The following DSCAM variants were observed in gnomAD, a reference collection of about 807,000 sequenced individuals.
The protein encoded by DSCAM is DS cell adhesion molecule, also known as cell adhesion molecule DSCAM.
Under a neutral mutation model 217.7 loss-of-function variants are expected in DSCAM, and 47 were observed. That is an observed-to-expected ratio of 0.22 (90% CI 0.17 to 0.28). The LOEUF is 0.28. DSCAM is among the 10% of genes least tolerant of loss of function. The pLI, the probability that DSCAM is intolerant of heterozygous loss-of-function variation, is 1.00. For missense variants in DSCAM, 2,080 were observed against 2,618.3 expected, an observed-to-expected ratio of 0.79 and a Z score of 4.49; for synonymous variants, 1,056 against 1,015.3, an observed-to-expected ratio of 1.04 and a Z score of -0.76.
intron 8 of DSCAM, among the ~76,000 whole-genome samples, chr21:40,322,054 T>G (rs1007240258): frequency 4.6e-5 from 7 of 152,214 alleles, no homozygotes; most frequent in Non-Finnish European, 8.8e-5. Flanking sequence ...ATTAGATAAA[T>G]GTCCACTTCC....
At chr21:40,223,585 T>G (rs181891747) in intron 11 of DSCAM, among the ~76,000 whole-genome samples, 25 of 152,310 alleles carry the variant, frequency 1.6e-4, no homozygotes, top group African/African-American at 6.0e-4. Context: ...CACATTATAA[T>G]TAGAAACACA....
intron 3 of DSCAM, among the ~76,000 whole-genome samples, chr21:40,425,099 A>T (rs1206702412): frequency 1.3e-5 from 2 of 152,180 alleles, no homozygotes; most frequent in Non-Finnish European, 2.9e-5. Flanking sequence ...ATCTCAAAAA[A>T]CAAACAAAAA....
intron 27 of DSCAM, among the ~76,000 whole-genome samples, chr21:40,067,742 T>TTCCC (rs763376801): frequency 1.8e-3 from 70 of 39,796 alleles, no homozygotes; most frequent in African/African-American, 2.4e-3. Flanking sequence ...CCTCCCCTCA[T>TTCCC]TCCCTCCCTC....
chr21:40,097,782 A>C (rs1267324952), intron 20 of DSCAM, among the ~76,000 whole-genome samples: 1 of 151,698 alleles, frequency 6.6e-6, no homozygotes, highest in Non-Finnish European at 1.5e-5. Flanking sequence ...TCTACTAAAA[A>C]CACAAAAAAT....
chr21:40,401,382 T>C (rs1373425299), intron 3 of DSCAM, among the ~76,000 whole-genome samples: 2 of 119,198 alleles, frequency 1.7e-5, no homozygotes, highest in Admixed American at 1.8e-4. Flanking sequence ...TAAAGGATAT[T>C]CTCAATAAAA....
intron 32 of DSCAM, among the ~76,000 whole-genome samples, chr21:40,033,624 G>C (rs146329835): frequency 0.011 from 1,719 of 151,890 alleles, 18 homozygotes; most frequent in Non-Finnish European, 0.018. Flanking sequence ...GCCCAGGCTT[G>C]CTTAGATAAA....
At chr21:40,404,999 T>C (rs1398932167) in intron 3 of DSCAM, among the ~76,000 whole-genome samples, 1 of 152,182 alleles carries the variant, frequency 6.6e-6, no homozygotes, top group African/African-American at 2.4e-5. Context: ...CAGTACAAAA[T>C]ATGTATTATT....
chr21:40,707,042 A>C (rs1333200979), intron 2 of DSCAM, among the ~76,000 whole-genome samples: 2 of 152,230 alleles, frequency 1.3e-5, no homozygotes, highest in Non-Finnish European at 2.9e-5. Context: ...GTGTCATGCA[A>C]AAACAATGAA....
intron 10 of DSCAM, among the ~76,000 whole-genome samples, chr21:40,291,479 G>C (rs111883607): frequency 0.012 from 1,757 of 152,194 alleles, 20 homozygotes; most frequent in Non-Finnish European, 0.019. Flanking sequence ...ATGACTGATG[G>C]GGACCCAGTG....
chr21:40,466,419 G>T (rs2075845857), intron 3 of DSCAM, among the ~76,000 whole-genome samples: 1 of 152,150 alleles, frequency 6.6e-6, no homozygotes, highest in Non-Finnish European at 1.5e-5. Context: ...ATGTACTTTA[G>T]ACCCAAGCTT....
At chr21:40,638,111 T>C (rs1601812852) in intron 3 of DSCAM, among the ~76,000 whole-genome samples, 2 of 152,284 alleles carry the variant, frequency 1.3e-5, no homozygotes, top group South Asian at 4.2e-4. Flanking sequence ...ATCTCAGAGA[T>C]AAAATAACAT....
At chr21:40,140,945 C>T (rs57550834) in intron 18 of DSCAM, among the ~76,000 whole-genome samples, 33,968 of 146,152 alleles carry the variant, frequency 0.23, 4,349 homozygotes, top group Non-Finnish European at 0.29. Context: ...GGGGGGGGGT[C>T]CTTCTAGATT....
At chr21:40,311,933 ATTTTTTTTT>A (rs34579385) in intron 9 of DSCAM, 139 bp downstream of exon 9, 25 of 202,434 alleles carry the variant, frequency 1.2e-4, no homozygotes, top group African/African-American at 3.9e-4. Context: ...TTAGAGTCGT[ATTTTTTTTT>A]TTTTTTTTTT....
chr21:40,757,279 C>G (rs1297744015), intron 1 of DSCAM, among the ~76,000 whole-genome samples: 1 of 152,214 alleles, frequency 6.6e-6, no homozygotes, highest in Non-Finnish European at 1.5e-5. Flanking sequence ...CCCGTCTCGG[C>G]CTCCCAAAGT....
intron 1 of DSCAM, among the ~76,000 whole-genome samples, chr21:40,821,417 A>C (rs77323127): frequency 0.013 from 1,946 of 150,900 alleles, 28 homozygotes; most frequent in Non-Finnish European, 0.017. Flanking sequence ...ACACACACAC[A>C]CCCCACAGCA....
At chr21:40,385,869 T>C (rs1381904641) in intron 3 of DSCAM, among the ~76,000 whole-genome samples, 1 of 152,194 alleles carries the variant, frequency 6.6e-6, no homozygotes, top group Non-Finnish European at 1.5e-5. Flanking sequence ...AATAAAATAA[T>C]GCAAAGTATA....
chr21:40,425,261 C>T (rs2075461194), intron 3 of DSCAM, among the ~76,000 whole-genome samples: 2 of 152,006 alleles, frequency 1.3e-5, no homozygotes, highest in South Asian at 2.1e-4. Context: ...CATGGTGGCT[C>T]ATGCCTGTAA....
At chr21:40,494,376 T>G (rs2076100756) in intron 3 of DSCAM, among the ~76,000 whole-genome samples, 1 of 152,148 alleles carries the variant, frequency 6.6e-6, no homozygotes, top group Non-Finnish European at 1.5e-5. Context: ...CTAGGGAGAT[T>G]GAAATCACAT....
intron 9 of DSCAM, among the ~76,000 whole-genome samples, chr21:40,306,548 T>G (rs1465545427): frequency 6.8e-6 from 1 of 146,640 alleles, no homozygotes; most frequent in Non-Finnish European, 1.5e-5. Flanking sequence ...CTTCCAGTTT[T>G]TGCCCATTCA....
Sources: allele counts gnomAD v4.1 joint callset (sites outside exome capture counted in the v4.1 genomes callset), GRCh38; gene constraint gnomAD v4.1.1; transcripts MANE v1.5; gene names NCBI Gene and HGNC (gene_info 2026-07-23, HGNC 2026-07-21).